Variants in PRLR observed in about 807,000 individuals in gnomAD.
PRLR encodes the protein prolactin receptor.
Under a neutral mutation model 40.2 loss-of-function variants are expected in PRLR, and 13 were observed. The observed-to-expected ratio is 0.32, with a 90% CI of 0.21 to 0.51. The LOEUF is 0.51. Among genes scored for constraint, PRLR ranks in the 20% least tolerant of loss-of-function variants. The probability of loss-of-function intolerance (pLI) is 0.97; values close to 1 mark genes in which losing one functional copy is unlikely to be tolerated. For missense variants in PRLR, 656 were observed against 747.3 expected (o/e 0.88, Z 1.42); for synonymous variants, 269 against 278.7 (o/e 0.97, Z 0.35).
In PRLR at chr5:35,140,052, A is replaced by G. The variant is rs376368448; in HGVS notation, c.-105-21930T>C. On this transcript the variant is annotated intron_variant, in intron 1 of 9. Coordinates refer to ENST00000618457, the MANE Select transcript of PRLR (RefSeq NM_000949.7). ...AATTAACACATGAATTTTCCAATTG[A>G]CCTCAAGCTTTTAAGAAAATTAAAT... 2.6e-5 allele frequency among the ~76,000 whole-genome samples: 4 copies of G among 152,234 alleles called. No individual in the cohort carries two copies. In the South Asian group the frequency reaches 6.2e-4, roughly 24 times the overall value.
intron 1 of PRLR, among the ~76,000 whole-genome samples, chr5:35,133,159 A>T (rs1773739406): frequency 6.6e-6 from 1 of 152,150 alleles, no homozygotes; most frequent in South Asian, 2.1e-4. Flanking sequence ...TTGGCCGTGG[A>T]GTGGGAGCTA....
chr5:35,197,001 C>G (rs1002775544), intron 1 of PRLR, among the ~76,000 whole-genome samples: 1 of 152,130 alleles, frequency 6.6e-6, no homozygotes, highest in Non-Finnish European at 1.5e-5. Context: ...ATTCATGAAG[C>G]CTCCCAAAGG....
chr5:35,133,328 A>C (rs1561325311), intron 1 of PRLR, among the ~76,000 whole-genome samples: 1 of 152,034 alleles, frequency 6.6e-6, no homozygotes, highest in Non-Finnish European at 1.5e-5. Flanking sequence ...ATGTATACCT[A>C]TATATATCCC....
Position 35,066,044 on chromosome 5 carries a change from G to C in PRLR, c.914C>G (p.Ser305Cys). 6.2e-7 allele frequency: 1 copy of C among 1,614,144 alleles called. No individual in the cohort carries two copies. Among genetic ancestry groups the C allele is most frequent in the South Asian group, 1.1e-5 (1 of 91,082 alleles). ...ALGCQDFPPT[S>C]DYEDLLVEYL... The stretch of plus-strand genomic sequence containing the variant: ...CTCCACCAGCAAGTCCTCATAGTCA[G>C]AAGTGGGAGGAAAGTCTTGGCATCC... The change falls in exon 10 of 10, where the codon TCT becomes TGT. Residue 305 changes from serine (S) to cysteine (C), a missense_variant. Ser to Cys is a moderately radical substitution (Grantham distance 112). This residue lies in a region of PRLR where 469 missense variants were observed against 491.5 expected (regional missense o/e 0.95). Transcript: ENST00000618457.
In PRLR at chr5:35,057,027, G is replaced by A. The variant is rs1768763123; in HGVS notation, c.*8062C>T. ...ATTTACACTTCATCTGATGGATTTT[G>A]TCAGAAAAGATGTTGTTAATAATAT... On this transcript the variant is annotated 3_prime_UTR_variant, in exon 10 of 10. Coordinates refer to ENST00000618457, the MANE Select transcript of PRLR (RefSeq NM_000949.7). 1 of 152,178 alleles carries A rather than the reference G, an allele frequency of 6.6e-6. No homozygotes were observed. The highest frequency in any genetic ancestry group is 6.5e-5 in the Admixed American group (1 of 15,270). 9.4% of individuals were successfully genotyped at this position (152,178 alleles called of 1,614,324 possible).
At position 35,059,422 on chromosome 5, in the gene PRLR, G is replaced by A. The variant is rs1293026571; in HGVS notation, c.*5667C>T. ...ACAAAACAGCTGCCAGCATGATAGT[G>A]TTTGTGAATTATGTACCTCTCTTAG... On this transcript the variant is annotated 3_prime_UTR_variant, in exon 10 of 10. Coordinates refer to ENST00000618457, the MANE Select transcript of PRLR (RefSeq NM_000949.7). The A allele has an allele frequency of 6.6e-6, 1 of 152,098 alleles. No homozygotes were observed. Among genetic ancestry groups the A allele is most frequent in the Admixed American group, 6.5e-5 (1 of 15,270 alleles). 9.4% of individuals were successfully genotyped at this position (152,098 alleles called of 1,614,324 possible).
In PRLR at chr5:35,057,253, A is replaced by G. The variant is rs1400643111; in HGVS notation, c.*7836T>C. ...TGTCTTGCAATCATAGGAAGGGTGG[A>G]CATAAAGGGGAAGAATTTTTTTTGT... is the stretch of plus-strand genomic sequence containing the variant. On this transcript the variant is annotated 3_prime_UTR_variant, in exon 10 of 10. Coordinates refer to ENST00000618457, the MANE Select transcript of PRLR (RefSeq NM_000949.7). The G allele has an allele frequency of 6.6e-6, 1 of 152,206 alleles. No individual in the cohort carries two copies. Among genetic ancestry groups the G allele is most frequent in the Non-Finnish European group, 1.5e-5 (1 of 68,028 alleles). The allele number at this position is 152,206 out of a possible 1,614,324, so 9.4% of individuals were successfully genotyped here.
intron 1 of PRLR, among the ~76,000 whole-genome samples, chr5:35,218,567 G>A (rs895620806): frequency 5.9e-5 from 9 of 151,942 alleles, no homozygotes; most frequent in African/African-American, 2.2e-4. Flanking sequence ...TAGGAAGGAA[G>A]GAAGGTCTGT....
intron 1 of PRLR, among the ~76,000 whole-genome samples, chr5:35,155,545 T>A (rs938275571): frequency 1.3e-5 from 2 of 152,336 alleles, no homozygotes; most frequent in Admixed American, 1.3e-4. Context: ...AAACCAAATA[T>A]TTGTTTAACA....
At chr5:35,216,413 T>C (rs1776289268) in intron 1 of PRLR, among the ~76,000 whole-genome samples, 4 of 151,004 alleles carry the variant, frequency 2.6e-5, no homozygotes, top group Admixed American at 6.6e-5. Flanking sequence ...AGAAAAGGAG[T>C]TGGGGGCTTA....
intron 1 of PRLR, among the ~76,000 whole-genome samples, chr5:35,212,232 A>G (rs1298138228): frequency 6.6e-6 from 1 of 152,236 alleles, no homozygotes; most frequent in Non-Finnish European, 1.5e-5. Flanking sequence ...TTAACCAGTC[A>G]TCTGATCATC....
intron 1 of PRLR, among the ~76,000 whole-genome samples, chr5:35,151,606 G>C (rs1323091769): frequency 6.6e-6 from 1 of 151,944 alleles, no homozygotes; most frequent in Non-Finnish European, 1.5e-5. Flanking sequence ...GCTTCTCTTA[G>C]AGCATCCATT....
rs182678063 is a variant in PRLR at position 35,140,081 on chromosome 5, C to T, written c.-105-21959G>A. On this transcript the variant is annotated intron_variant, in intron 1 of 9. Transcript: ENST00000618457. ...CAAGCTTTTAAGAAAATTAAATTAA[C>T]TATAATGCTCCATCCCAACTTCTGA... Among the ~76,000 whole-genome samples, 151 of 152,276 alleles carry T rather than the reference C, an allele frequency of 9.9e-4. 2 individuals carry two copies. The highest frequency in any genetic ancestry group is 3.5e-3 in the African/African-American group (144 of 41,558).
intron 7 of PRLR, among the ~76,000 whole-genome samples, chr5:35,069,488 C>A (rs2112389686): frequency 6.6e-6 from 1 of 152,322 alleles, no homozygotes; most frequent in South Asian, 2.1e-4. Context: ...CTAGACTTTC[C>A]TGTGTGGTTT....
At chr5:35,081,047 G>C (rs1770477010) in intron 5 of PRLR, among the ~76,000 whole-genome samples, 1 of 121,706 alleles carries the variant, frequency 8.2e-6, no homozygotes, top group Admixed American at 9.3e-5. Flanking sequence ...GTCATGGGGT[G>C]GGGGGAGGGG....
chr5:35,180,737 C>A (rs1355420776), intron 1 of PRLR, among the ~76,000 whole-genome samples: 1 of 152,142 alleles, frequency 6.6e-6, no homozygotes, highest in Non-Finnish European at 1.5e-5. Context: ...CCTCCCCACT[C>A]TCCCCACCCC....
intron 1 of PRLR, among the ~76,000 whole-genome samples, chr5:35,122,451 G>T (rs1306022797): frequency 2.0e-5 from 3 of 152,108 alleles, no homozygotes; most frequent in Non-Finnish European, 2.9e-5. Context: ...TGCCCTATGT[G>T]TCCATGTGTT....
In PRLR at chr5:35,223,949, T is replaced by C. The variant is rs543928199; in HGVS notation, c.-106+6319A>G. 5.9e-5 allele frequency among the ~76,000 whole-genome samples: 9 copies of C among 152,336 alleles called. No homozygotes were observed. The South Asian group carries it at 1.9e-3, about 32-fold the overall frequency. ...GGGAAAGCTCATTATTTTCTTAAAT[T>C]GTTATCTTCCCTAGTTTCTTTATCT... On this transcript the variant is annotated intron_variant, in intron 1 of 9. Transcript: ENST00000618457.
intron 2 of PRLR, among the ~76,000 whole-genome samples, chr5:35,098,718 T>C (rs930143789): frequency 1.3e-5 from 2 of 152,094 alleles, no homozygotes; most frequent in African/African-American, 4.8e-5. Context: ...AGAAGGAAAA[T>C]TAAAATAAAA....
Sources: allele counts gnomAD v4.1 joint callset (sites outside exome capture counted in the v4.1 genomes callset), GRCh38; gene constraint gnomAD v4.1.1; regional missense constraint gnomAD v4.1.1; transcripts MANE v1.5; gene names NCBI Gene and HGNC (gene_info 2026-07-23, HGNC 2026-07-21).